The following TBC1D15 variants were observed in gnomAD, a reference collection of about 807,000 sequenced individuals.
TBC1D15 encodes the protein TBC1 domain family member 15.
In TBC1D15, 39 loss-of-function variants were observed where a neutral mutation model predicts 95.4. The ratio of observed to expected loss-of-function variants is 0.41; its 90% confidence interval spans 0.32 to 0.53. The LOEUF (loss-of-function observed/expected upper bound fraction) is 0.53, where lower values mean the gene tolerates loss of function less well. TBC1D15 is among the 20% of genes least tolerant of loss of function. The pLI, the probability that TBC1D15 is intolerant of heterozygous loss-of-function variation, is 0.29. For synonymous variants in TBC1D15, 258 were observed against 261.3 expected, an observed-to-expected ratio of 0.99 and a Z score of 0.12; for missense variants, 733 against 794.3, an observed-to-expected ratio of 0.92 and a Z score of 0.93.
intron 11 of TBC1D15, among the ~76,000 whole-genome samples, chr12:71,909,729 G>T (rs940308615): frequency 6.6e-6 from 1 of 151,790 alleles, no homozygotes; most frequent in South Asian, 2.1e-4. Flanking sequence ...TTCATTTCTC[G>T]CCTGCCCCCC....
intron 7 of TBC1D15, among the ~76,000 whole-genome samples, chr12:71,895,322 A>G (rs1462697205): frequency 6.6e-6 from 1 of 152,050 alleles, no homozygotes; most frequent in Non-Finnish European, 1.5e-5. Context: ...AGATCTTTAT[A>G]TGTGCTCAGT....
intron 1 of TBC1D15, among the ~76,000 whole-genome samples, chr12:71,869,600 A>G (rs192572756): frequency 1.4e-3 from 216 of 152,330 alleles, no homozygotes; most frequent in Non-Finnish European, 2.6e-3. Flanking sequence ...CAGGGTTGCT[A>G]GGAAATGGAG....
chr12:71,862,935 T>C (rs965272960), intron 1 of TBC1D15, among the ~76,000 whole-genome samples: 8 of 152,240 alleles, frequency 5.3e-5, no homozygotes, highest in African/African-American at 1.9e-4. Flanking sequence ...ATTCCCTCAG[T>C]TTTCACATGT....
intron 16 of TBC1D15, 152 bp from the exon 17 acceptor site, chr12:71,922,831 G>GA: frequency 1.3e-6 from 1 of 747,822 alleles, no homozygotes; most frequent in Non-Finnish European, 2.2e-6. Flanking sequence ...TTGGAGCTGA[G>GA]AAAAATGTTG....
At chr12:71,843,013 A>C (rs1336664437) in intron 1 of TBC1D15, among the ~76,000 whole-genome samples, 1 of 151,540 alleles carries the variant, frequency 6.6e-6, no homozygotes, top group African/African-American at 2.4e-5. Flanking sequence ...CTGGCCGGGC[A>C]CGGTGGCTCA....
chr12:71,910,383 T>C (rs1901917856), intron 11 of TBC1D15, among the ~76,000 whole-genome samples: 1 of 150,356 alleles, frequency 6.7e-6, no homozygotes, highest in African/African-American at 2.5e-5. Flanking sequence ...AAGTAGTTTT[T>C]TCCAATTCTG....
intron 12 of TBC1D15, among the ~76,000 whole-genome samples, chr12:71,915,044 G>A (rs141406499): frequency 2.4e-4 from 36 of 151,712 alleles, no homozygotes; most frequent in African/African-American, 7.5e-4. Context: ...ATTCAAATTG[G>A]TTTTTTGCCA....
At chr12:71,916,755 C>A (rs1342767431) in intron 12 of TBC1D15, among the ~76,000 whole-genome samples, 1 of 152,124 alleles carries the variant, frequency 6.6e-6, no homozygotes, top group African/African-American at 2.4e-5. Flanking sequence ...TTGGTGCCTT[C>A]TGGCCCCTTG....
intron 12 of TBC1D15, among the ~76,000 whole-genome samples, chr12:71,915,074 T>C (rs1036150850): frequency 2.6e-5 from 4 of 152,034 alleles, no homozygotes; most frequent in Non-Finnish European, 4.4e-5. Flanking sequence ...TTTTTTTGAC[T>C]ATTTGGAAGG....
At chr12:71,918,059 G>A (rs985925468) in intron 13 of TBC1D15, among the ~76,000 whole-genome samples, 3 of 152,134 alleles carry the variant, frequency 2.0e-5, no homozygotes, top group Non-Finnish European at 4.4e-5. Context: ...AGAGGCTGAG[G>A]TGGGAGGATT....
chr12:71,894,974 T>C, intron 7 of TBC1D15, 91 bp downstream of exon 7: 1 of 1,238,374 alleles, frequency 8.1e-7, no homozygotes. Context: ...TGATATCTGC[T>C]TCTTTCCATA....
intron 1 of TBC1D15, among the ~76,000 whole-genome samples, chr12:71,869,461 T>G (rs1024765578): frequency 2.6e-5 from 4 of 152,188 alleles, no homozygotes; most frequent in African/African-American, 9.7e-5. Context: ...AGGCAGAGGT[T>G]GCAGTGAGCT....
chr12:71,895,878 G>A, intron 7 of TBC1D15, 69 bp from the exon 8 acceptor site: 1 of 1,440,764 alleles, frequency 6.9e-7, no homozygotes, highest in Non-Finnish European at 9.4e-7. Flanking sequence ...TTTAAATTTA[G>A]TTTCTATATG....
intron 1 of TBC1D15, among the ~76,000 whole-genome samples, chr12:71,870,850 C>G (rs1393039871): frequency 6.6e-6 from 1 of 152,044 alleles, no homozygotes; most frequent in Non-Finnish European, 1.5e-5. Flanking sequence ...TAAATGTTAG[C>G]TAAAAACAGG....
At chr12:71,881,644 G>A (rs184326555) in intron 4 of TBC1D15, among the ~76,000 whole-genome samples, 7 of 152,276 alleles carry the variant, frequency 4.6e-5, no homozygotes, top group African/African-American at 1.4e-4. Flanking sequence ...AAGGCCGGGC[G>A]CGGTGGCTCA....
chr12:71,860,375 C>T (rs1443682657), intron 1 of TBC1D15, among the ~76,000 whole-genome samples: 1 of 152,142 alleles, frequency 6.6e-6, no homozygotes, highest in East Asian at 1.9e-4. Flanking sequence ...TTAATTCTTC[C>T]AATCTATGAA....
intron 7 of TBC1D15, among the ~76,000 whole-genome samples, chr12:71,895,303 A>G (rs1382783272): frequency 1.3e-5 from 2 of 152,084 alleles, no homozygotes; most frequent in African/African-American, 4.8e-5. Context: ...TTTTGGCCTG[A>G]ATTATGGCAG....
At chr12:71,849,965 C>T (rs1314527297) in intron 1 of TBC1D15, 1 of 524,162 alleles carries the variant, frequency 1.9e-6, no homozygotes, top group East Asian at 4.5e-5. Context: ...TCCAGTATTG[C>T]AGGAGTGCTT....
intron 3 of TBC1D15, among the ~76,000 whole-genome samples, chr12:71,873,389 GTA>G (rs1893100286): frequency 6.6e-6 from 1 of 152,100 alleles, no homozygotes; most frequent in East Asian, 1.9e-4. Context: ...TACATAGCAT[GTA>G]TGGTCCTTTT....
Sources: allele counts gnomAD v4.1 joint callset (sites outside exome capture counted in the v4.1 genomes callset), GRCh38; gene constraint gnomAD v4.1.1; transcripts MANE v1.5; gene names NCBI Gene and HGNC (gene_info 2026-07-23, HGNC 2026-07-21).